ZNF474: variants seen among roughly 807,000 people sequenced by gnomAD.
ZNF474 encodes 4933409D10Rik.
For missense variants in ZNF474, 511 were observed against 433.8 expected, an observed-to-expected ratio of 1.18 and a Z score of -1.58; for synonymous variants, 192 against 162.2, an observed-to-expected ratio of 1.18 and a Z score of -1.39.
At chr5:122,138,040 A>G (rs1181242055) in intron 1 of ZNF474, among the ~76,000 whole-genome samples, 2 of 152,256 alleles carry the variant, frequency 1.3e-5, no homozygotes, top group Non-Finnish European at 2.9e-5. Context: ...ATGCTTCTAC[A>G]TAAATTGATG....
chr5:122,151,705 A>ATGTCTG (rs58814754), intron 1 of ZNF474, 74 bp from the exon 2 acceptor site: 25,315 of 205,750 alleles, frequency 0.12, 1,324 homozygotes, highest in South Asian at 0.19. Context: ...AACAACCTAA[A>ATGTCTG]TGTGTGTGTG....
intron 1 of ZNF474, among the ~76,000 whole-genome samples, chr5:122,139,886 G>A (rs1481231317): frequency 6.6e-6 from 1 of 152,182 alleles, no homozygotes; most frequent in Non-Finnish European, 1.5e-5. Flanking sequence ...TGCCATATTT[G>A]CATTTAATGG....
Position 122,132,630 on chromosome 5 carries a change from T to A in ZNF474, c.-213+2947T>A, listed in dbSNP as rs558736266. The stretch of plus-strand genomic sequence containing the variant: ...AAGTTTTATCATTTTTGCTTTTATA[T>A]TTAGTTCCATGATCCATCTTGAGTT... On this transcript the variant is annotated intron_variant, in intron 1 of 1. Transcript: ENST00000296600. Among the ~76,000 whole-genome samples the A allele has an allele frequency of 3.3e-5, 5 of 152,314 alleles. No homozygotes were observed. In the South Asian group the frequency reaches 1.0e-3, roughly 32 times the overall value.
chr5:122,136,621 A>G (rs1205365654), intron 1 of ZNF474, among the ~76,000 whole-genome samples: 1 of 152,204 alleles, frequency 6.6e-6, no homozygotes, highest in African/African-American at 2.4e-5. Context: ...AGAGATTCTC[A>G]TTTATCTTGG....
chr5:122,130,364 C>T (rs1755548220), intron 1 of ZNF474, among the ~76,000 whole-genome samples: 1 of 152,136 alleles, frequency 6.6e-6, no homozygotes, highest in Non-Finnish European at 1.5e-5. Flanking sequence ...CCACAGGGGG[C>T]CACTGTTTTG....
Position 122,152,293 on chromosome 5 carries a change from CCGAGAATTTG to C in ZNF474, c.304_313del (p.Arg102GlyfsTer27). Reference sequence around the variant, plus strand: ...GATTCCGGGTATGCTATATCTGTGGCCGAGAATTTGGGTCCCAGTCAATTGCCATTCATGA... The same window carrying C: ...GATTCCGGGTATGCTATATCTGTGGCGGTCCCAGTCAATTGCCATTCATGA... On this transcript the variant is annotated frameshift_variant, in exon 2 of 2. Coordinates refer to ENST00000296600, the MANE Select transcript of ZNF474 (RefSeq NM_207317.3). LOFTEE classifies it low-confidence loss of function (END_TRUNC). 1 of 1,614,174 alleles carries C rather than the reference CCGAGAATTTG, an allele frequency of 6.2e-7. No individual in the cohort carries two copies. Among genetic ancestry groups the C allele is most frequent in the South Asian group, 1.1e-5 (1 of 91,084 alleles).
Position 122,153,171 on chromosome 5 carries a change from G to C in ZNF474, c.*86G>C, listed in dbSNP as rs1756245016. 6.6e-7 allele frequency: 1 copy of C among 1,510,878 alleles called. No individual in the cohort carries two copies. Among genetic ancestry groups the C allele is most frequent in the Non-Finnish European group, 8.9e-7 (1 of 1,129,098 alleles). The allele number at this position is 1,510,878 out of a possible 1,614,324, so 93.6% of individuals were successfully genotyped here. ...AATGCCTTGTATCAGCCTCAAAGCA[G>C]CCTGTTCAAGTTAACTCCCTGTTGA... On this transcript the variant is annotated 3_prime_UTR_variant, in exon 2 of 2. Transcript: ENST00000296600.
chr5:122,142,253 C>A (rs988279018), intron 1 of ZNF474, among the ~76,000 whole-genome samples: 1 of 152,068 alleles, frequency 6.6e-6, no homozygotes. Flanking sequence ...GAAAAAAGAC[C>A]CTGTTGAAAA....
intron 1 of ZNF474, among the ~76,000 whole-genome samples, chr5:122,151,173 A>C (rs1385797142): frequency 6.6e-6 from 1 of 152,190 alleles, no homozygotes; most frequent in African/African-American, 2.4e-5. Flanking sequence ...ACTTTACCTC[A>C]ATTAAAATGT....
At chr5:122,141,853 C>A (rs1317919148) in intron 1 of ZNF474, among the ~76,000 whole-genome samples, 3 of 152,188 alleles carry the variant, frequency 2.0e-5, no homozygotes, top group Non-Finnish European at 4.4e-5. Context: ...TTTGGAACAG[C>A]TAATTGAGGC....
At chr5:122,151,704 AAT>A in intron 1 of ZNF474, 73 bp from the exon 2 acceptor site, 1 of 159,810 alleles carries the variant, frequency 6.3e-6, no homozygotes, top group Non-Finnish European at 1.1e-5. Flanking sequence ...AAACAACCTA[AAT>A]GTGTGTGTGT....
In ZNF474 at chr5:122,152,165, C is replaced by T; in HGVS notation, c.175C>T (p.Gln59Ter). Reference sequence around the variant, plus strand: ...TGGTGAAAATATAAAGACAGACACTCAGAAAAAGAGACCTGGGACTGTGAT... The same window carrying T: ...TGGTGAAAATATAAAGACAGACACTTAGAAAAAGAGACCTGGGACTGTGAT... ...NPGENIKTDT[Q>*]KKRPGTVILS... The change falls in exon 2 of 2, where the codon CAG becomes TAG. Residue 59 changes from glutamine to a stop codon, truncating the protein, a stop_gained. Coordinates refer to ENST00000296600, the MANE Select transcript of ZNF474 (RefSeq NM_207317.3). LOFTEE classifies it low-confidence loss of function (END_TRUNC). 6.2e-7 allele frequency: 1 copy of T among 1,614,084 alleles called. No individual in the cohort carries two copies. Among genetic ancestry groups the T allele is most frequent in the African/African-American group, 1.3e-5 (1 of 75,016 alleles).
intron 1 of ZNF474, among the ~76,000 whole-genome samples, chr5:122,151,422 G>A (rs138333988): frequency 6.6e-6 from 1 of 152,192 alleles, no homozygotes; most frequent in Non-Finnish European, 1.5e-5. Context: ...AATATTCACA[G>A]TTTGCAGTTT....
In ZNF474 at chr5:122,152,575, A is replaced by G; in HGVS notation, c.585A>G (p.Arg195=). Reference sequence around the variant, plus strand: ...GCAAGCCAAAGGGTGAGGGTCCCAGAGCACCACACTCAAACAGTTCTGATC... The same window carrying G: ...GCAAGCCAAAGGGTGAGGGTCCCAGGGCACCACACTCAAACAGTTCTGATC... ...RSCKPKGEGP[R]APHSNSSDHL... Residue 195 remains arginine (R), a synonymous_variant, in exon 2 of 2, where the codon AGA becomes AGG. Coordinates refer to ENST00000296600, the MANE Select transcript of ZNF474 (RefSeq NM_207317.3). The G allele has an allele frequency of 1.9e-6, 3 of 1,614,192 alleles. No individual in the cohort carries two copies. Among genetic ancestry groups the G allele is most frequent in the Non-Finnish European group, 2.5e-6 (3 of 1,180,040 alleles).
rs375530611 is a variant in ZNF474 at position 122,139,821 on chromosome 5, T to C, written c.-213+10138T>C. On this transcript the variant is annotated intron_variant, in intron 1 of 1. Coordinates refer to ENST00000296600, the MANE Select transcript of ZNF474 (RefSeq NM_207317.3). Reference sequence around the variant, plus strand: ...CCTGCCCTGGGATCCAGAGTAAACTTGTTATTTCTCAAGATAGAGAAGAAA... The same window carrying C: ...CCTGCCCTGGGATCCAGAGTAAACTCGTTATTTCTCAAGATAGAGAAGAAA... 4.6e-4 allele frequency among the ~76,000 whole-genome samples: 70 copies of C among 152,350 alleles called. 2 individuals carry two copies. In the South Asian group the frequency reaches 9.9e-3, roughly 22 times the overall value.
In ZNF474 at chr5:122,153,086, G is replaced by T; in HGVS notation, c.*1G>T. On this transcript the variant is annotated 3_prime_UTR_variant, in exon 2 of 2. Transcript: ENST00000296600. ...ACCTGGTGGTGCCCTCTGCCTGTAG[G>T]GGAACAAGAGAAAACTATCCCCAGA... 1 of 1,599,510 alleles carries T rather than the reference G, an allele frequency of 6.3e-7. No homozygotes were observed. Among genetic ancestry groups the T allele is most frequent in the Non-Finnish European group, 8.5e-7 (1 of 1,171,906 alleles).
Position 122,152,607 on chromosome 5 carries a change from CTG to C in ZNF474, c.618_619del (p.Gly207ProfsTer6). On this transcript the variant is annotated frameshift_variant, in exon 2 of 2. Coordinates refer to ENST00000296600, the MANE Select transcript of ZNF474 (RefSeq NM_207317.3). LOFTEE classifies it low-confidence loss of function (END_TRUNC). ...CACTCAAACAGTTCTGATCATCTTA[CTG>C]GCCTCAAGAAAGCTTGTAGTGGAAC... 6.2e-7 allele frequency: 1 copy of C among 1,614,210 alleles called. No homozygotes were observed. Among genetic ancestry groups the C allele is most frequent in the Non-Finnish European group, 8.5e-7 (1 of 1,180,034 alleles).
At chr5:122,148,830 G>A (rs575204967) in intron 1 of ZNF474, among the ~76,000 whole-genome samples, 1 of 151,742 alleles carries the variant, frequency 6.6e-6, no homozygotes, top group Non-Finnish European at 1.5e-5. Context: ...TCTGCCTCCC[G>A]GATTCAAGCG....
intron 1 of ZNF474, among the ~76,000 whole-genome samples, chr5:122,150,092 A>C (rs909910741): frequency 1.3e-5 from 2 of 152,216 alleles, no homozygotes; most frequent in Non-Finnish European, 1.5e-5. Flanking sequence ...ATAAACTAAA[A>C]TTCCTCGGTG....
Sources: allele counts gnomAD v4.1 joint callset (sites outside exome capture counted in the v4.1 genomes callset), GRCh38; gene constraint gnomAD v4.1.1; transcripts MANE v1.5; gene names NCBI Gene and HGNC (gene_info 2026-07-23, HGNC 2026-07-21).